The following FMNL2 variants were observed in gnomAD, a reference collection of about 807,000 sequenced individuals.
The protein encoded by FMNL2 is formin like 2, also known as formin-like protein 2.
Under a neutral mutation model 130.2 loss-of-function variants are expected in FMNL2, and 51 were observed. That is an observed-to-expected ratio of 0.39 (90% CI 0.31 to 0.49). The LOEUF (loss-of-function observed/expected upper bound fraction) is 0.49. Among genes scored for constraint, FMNL2 ranks in the 20% least tolerant of loss-of-function variants. FMNL2 has a pLI of 0.85. For synonymous variants in FMNL2, 465 were observed against 467.1 expected, an observed-to-expected ratio of 1.00 and a Z score of 0.06; for missense variants, 977 against 1,316.2, an observed-to-expected ratio of 0.74 and a Z score of 3.99.
At chr2:152,628,837 C>T (rs1329511896) in intron 18 of FMNL2, among the ~76,000 whole-genome samples, 1 of 152,184 alleles carries the variant, frequency 6.6e-6, no homozygotes, top group African/African-American at 2.4e-5. Flanking sequence ...TTTTCTCAAA[C>T]TTGGTTCCTC....
intron 2 of FMNL2, among the ~76,000 whole-genome samples, chr2:152,530,779 CATTGAGGAA>C (rs1693644417): frequency 6.6e-6 from 1 of 152,138 alleles, no homozygotes; most frequent in African/African-American, 2.4e-5. Context: ...TTTCTAAAGT[CATTGAGGAA>C]ATTGAGGTGT....
At chr2:152,540,924 G>A (rs957140578) in intron 2 of FMNL2, among the ~76,000 whole-genome samples, 1 of 152,168 alleles carries the variant, frequency 6.6e-6, no homozygotes, top group African/African-American at 2.4e-5. Flanking sequence ...AAGCAAGCAA[G>A]GCTTCAGTGG....
intron 23 of FMNL2, among the ~76,000 whole-genome samples, chr2:152,639,337 C>G (rs982424097): frequency 6.6e-6 from 1 of 152,208 alleles, no homozygotes; most frequent in Non-Finnish European, 1.5e-5. Flanking sequence ...AGGTAGATGA[C>G]CTGTCCATCA....
chr2:152,619,359 C>T lies in FMNL2; in HGVS notation c.1628-150C>T, dbSNP rs72871139. ...CACATATGTTGAAATATTTTTCCCA[C>T]ATGTCAATGAGGACATTTTTTGGTT... On this transcript the variant is annotated intron_variant, in intron 14 of 25. Coordinates refer to ENST00000288670, the MANE Select transcript of FMNL2 (RefSeq NM_052905.4). The T allele has an allele frequency of 5.7e-3, 7,740 of 1,354,180 alleles. 72 individuals carry two copies. The highest frequency in any genetic ancestry group is 0.031 in the Middle Eastern group (115 of 3,728). 83.9% of individuals were successfully genotyped at this position (1,354,180 alleles called of 1,614,324 possible). A position where few individuals can be genotyped will look rare whatever the true frequency, so the allele number is the denominator to read the frequency against.
chr2:152,589,981 A>ATATATATATATATATGTATATG (rs1553482691), intron 9 of FMNL2, among the ~76,000 whole-genome samples: 3 of 42,468 alleles, frequency 7.1e-5, no homozygotes, highest in African/African-American at 1.1e-4. Flanking sequence ...ATATATATAT[A>ATATATATATATATATGTATATG]TATGTATATG....
intron 1 of FMNL2, among the ~76,000 whole-genome samples, chr2:152,396,492 A>G (rs1327235403): frequency 6.6e-6 from 1 of 152,234 alleles, no homozygotes; most frequent in East Asian, 1.9e-4. Context: ...TAGCTCTGGT[A>G]GTTCATTTCT....
At chr2:152,608,193 T>C (rs1015626470) in intron 10 of FMNL2, among the ~76,000 whole-genome samples, 11 of 152,102 alleles carry the variant, frequency 7.2e-5, no homozygotes, top group Non-Finnish European at 1.2e-4. Context: ...CAGGAGATCC[T>C]AACCGGGCTG....
chr2:152,646,457 A>C (rs556877660), intron 25 of FMNL2, among the ~76,000 whole-genome samples: 1 of 152,302 alleles, frequency 6.6e-6, no homozygotes, highest in South Asian at 2.1e-4. Context: ...TCTTAGCTCC[A>C]ACTTCTTTTT....
chr2:152,480,295 C>T (rs1398114446), intron 1 of FMNL2, among the ~76,000 whole-genome samples: 1 of 152,062 alleles, frequency 6.6e-6, no homozygotes, highest in Non-Finnish European at 1.5e-5. Context: ...ATTAGCAGAA[C>T]CAGAAGTTAC....
intron 1 of FMNL2, among the ~76,000 whole-genome samples, chr2:152,337,676 T>C (rs908842125): frequency 2.0e-5 from 3 of 152,152 alleles, no homozygotes; most frequent in Non-Finnish European, 4.4e-5. Context: ...ACAATTATGA[T>C]TGTACATCCC....
intron 24 of FMNL2, 22 bp downstream of exon 24, chr2:152,640,078 A>T (rs147403024): frequency 1.5e-5 from 23 of 1,532,598 alleles, no homozygotes; most frequent in Non-Finnish European, 1.9e-5. Context: ...CGCACTCATG[A>T]GACAGGTCCG....
intron 25 of FMNL2, chr2:152,643,355 T>C (rs1373537140): frequency 1.3e-6 from 2 of 1,532,408 alleles, no homozygotes; most frequent in South Asian, 1.2e-5. Context: ...CATGTACTAA[T>C]GCAATAGATC....
In FMNL2 at chr2:152,542,769, A is replaced by G; in HGVS notation, c.232A>G (p.Thr78Ala). ...ATTCCAGGTGAAGAATCCTCCCCAT[A>G]CATACATTCAAAAGCTCAAAGGCTA... ...ERFQVKNPPHTYIQKLKGYLD... is the reference protein window; with the variant it reads ...ERFQVKNPPHAYIQKLKGYLD... The change falls in exon 3 of 26, where the codon ACA (threonine) becomes GCA (alanine). Residue 78 changes from threonine to alanine, a missense_variant. By Grantham distance (58) the Thr-to-Ala change is moderately conservative (BLOSUM62 0). Transcript: ENST00000288670. 1.2e-6 allele frequency: 2 copies of G among 1,614,064 alleles called. No homozygotes were observed. Among genetic ancestry groups the G allele is most frequent in the South Asian group, 1.1e-5 (1 of 91,084 alleles).
intron 1 of FMNL2, among the ~76,000 whole-genome samples, chr2:152,412,079 CCTT>C (rs1686317900): frequency 6.6e-6 from 1 of 152,108 alleles, no homozygotes; most frequent in Non-Finnish European, 1.5e-5. Flanking sequence ...TACTTCATCT[CCTT>C]GAATGCTGCT....
At chr2:152,543,944 G>A (rs374489200) in intron 3 of FMNL2, among the ~76,000 whole-genome samples, 45 of 152,186 alleles carry the variant, frequency 3.0e-4, no homozygotes, top group African/African-American at 9.9e-4. Context: ...ACCTGTCAAA[G>A]TATCATGATA....
chr2:152,545,309 C>T (rs1249621433), intron 3 of FMNL2, among the ~76,000 whole-genome samples: 1 of 152,140 alleles, frequency 6.6e-6, no homozygotes, highest in Non-Finnish European at 1.5e-5. Flanking sequence ...AAATTTCAGC[C>T]AGACAGTCTA....
chr2:152,501,676 T>A (rs1691843667), intron 1 of FMNL2, among the ~76,000 whole-genome samples: 2 of 152,138 alleles, frequency 1.3e-5, no homozygotes, highest in Admixed American at 1.3e-4. Context: ...GTAAAGATAT[T>A]CTGTTTCCAT....
intron 1 of FMNL2, among the ~76,000 whole-genome samples, chr2:152,375,896 T>TATATATATATAA (rs1553871971): frequency 1.1e-4 from 16 of 143,668 alleles, no homozygotes; most frequent in African/African-American, 3.8e-4. Context: ...TATATATATA[T>TATATATATATAA]AATTATTATT....
intron 1 of FMNL2, among the ~76,000 whole-genome samples, chr2:152,500,570 C>T (rs541545101): frequency 1.3e-5 from 2 of 152,330 alleles, no homozygotes; most frequent in East Asian, 1.9e-4. Context: ...GAGCATCAAG[C>T]CGGGTGCGAT....
Sources: gnomAD v4.1 joint callset for allele counts (sites outside exome capture counted in the v4.1 genomes callset) on GRCh38, gnomAD v4.1.1 for gene constraint, MANE v1.5 for transcripts, NCBI Gene and HGNC (gene_info 2026-07-23, HGNC 2026-07-21) for gene names.